The following ESRRA variants were observed in gnomAD, a reference collection of about 807,000 sequenced individuals.
The protein encoded by ESRRA is steroid hormone receptor ERR1.
ESRRA carries 7 observed loss-of-function variants against 35.6 expected under a neutral mutation model. The observed-to-expected ratio is 0.20, with a 90% CI of 0.11 to 0.37. ESRRA has a LOEUF of 0.37. Ranked by LOEUF, ESRRA falls within the 10% of genes least tolerant of loss-of-function variation. The pLI, the probability that ESRRA is intolerant of heterozygous loss-of-function variation, is 1.00. For missense variants in ESRRA, 378 were observed against 561.7 expected (o/e 0.67, Z 3.31); for synonymous variants, 223 against 246.9 (o/e 0.90, Z 0.91).
In ESRRA at chr11:64,314,793, G is replaced by A. The variant is rs2035208714; in HGVS notation, c.624G>A (p.Lys208=). 2 of 1,612,378 alleles carry A rather than the reference G, an allele frequency of 1.2e-6. No homozygotes were observed. Among genetic ancestry groups the A allele is most frequent in the African/African-American group, 1.3e-5 (1 of 75,020 alleles). Residue 208 remains lysine (K), a synonymous_variant, in exon 5 of 7, where the codon AAG becomes AAA. Coordinates refer to ENST00000000442, the MANE Select transcript of ESRRA (RefSeq NM_004451.5). Reference sequence around the variant, plus strand: ...ATCTGCTGGTGGTTGAGCCTGAGAAGCTCTATGCCATGCCTGACCCCGCAG... The same window carrying A: ...ATCTGCTGGTGGTTGAGCCTGAGAAACTCTATGCCATGCCTGACCCCGCAG... ...VSHLLVVEPE[K]LYAMPDPAGP... is the part of the protein sequence containing the mutation.
chr11:64,313,687 G>C lies in ESRRA; in HGVS notation c.326-264G>C, dbSNP rs1565377066. On this transcript the variant is annotated intron_variant, in intron 2 of 6. Transcript: ENST00000000442. This position sits in a 1 kb window ranked among gnomAD's most constrained non-coding sequence, Gnocchi z 4.0. ...AGAGGTCCTTGTGGCCCTTGATGTC[G>C]GCAGATGAGGGCAGTGTGGTCCAGA... The C allele has an allele frequency of 1.3e-5, 5 of 392,940 alleles. No homozygotes were observed. Among genetic ancestry groups the C allele is most frequent in the Non-Finnish European group, 2.3e-5 (5 of 218,824 alleles). The allele number at this position is 392,940 out of a possible 1,614,324, so 24.3% of individuals were successfully genotyped here.
Position 64,316,666 on chromosome 11 carries a change from T to C in ESRRA, c.*700T>C. 1.7e-6 allele frequency: 1 copy of C among 595,090 alleles called. No individual in the cohort carries two copies. The highest frequency in any genetic ancestry group is 2.9e-5 in the East Asian group (1 of 34,802). The allele number at this position is 595,090 out of a possible 1,614,324, so 36.9% of individuals were successfully genotyped here. On this transcript the variant is annotated 3_prime_UTR_variant, in exon 7 of 7. Transcript: ENST00000000442. ...GCTGTACAGAGACTCTATTTTAATG[T>C]ATATTTGCTGCAAAGAGAAACCGCT...
At chr11:64,310,335 C>T (rs1212682212) in intron 2 of ESRRA, among the ~76,000 whole-genome samples, 7 of 149,884 alleles carry the variant, frequency 4.7e-5, no homozygotes, top group African/African-American at 1.7e-4. Flanking sequence ...CCCGGGTTCA[C>T]ACCATTCTCC....
chr11:64,307,888 C>A (rs1310811224), intron 2 of ESRRA, among the ~76,000 whole-genome samples: 1 of 152,026 alleles, frequency 6.6e-6, no homozygotes, highest in South Asian at 2.1e-4. Context: ...CAACACAAGG[C>A]AGATTTTAAT....
At chr11:64,311,416 CT>C (rs5792321) in intron 2 of ESRRA, among the ~76,000 whole-genome samples, 98,413 of 125,532 alleles carry the variant, frequency 0.78, 38,067 homozygotes, top group South Asian at 0.89. Flanking sequence ...GAGGGCTTGT[CT>C]TTTTTTTTTT....
chr11:64,315,688 C>T lies in ESRRA; in HGVS notation c.1013-19C>T, dbSNP rs1342253959. ...CCAGAGATAGCCCAGGCCAACACCA[C>T]ATTCCTCTCTTCTTGCAGACTCTGT... On this transcript the variant is annotated intron_variant, in intron 6 of 6. Coordinates refer to ENST00000000442, the MANE Select transcript of ESRRA (RefSeq NM_004451.5). The T allele has an allele frequency of 6.2e-7, 1 of 1,612,704 alleles. No individual in the cohort carries two copies. The highest frequency in any genetic ancestry group is 1.3e-5 in the African/African-American group (1 of 74,950).
rs1454522790 is a variant in ESRRA, at chr11:64,314,013, G to T, written c.388G>T (p.Ala130Ser). 3.8e-6 allele frequency: 6 copies of T among 1,579,440 alleles called. No individual in the cohort carries two copies. In the South Asian group the frequency reaches 6.9e-5, roughly 18 times the overall value. The change falls in exon 3 of 7, where the codon GCC becomes TCC. Residue 130 changes from alanine (A) to serine (S), a missense_variant. Ala to Ser is a moderately conservative substitution (Grantham distance 99). Around this residue, in one of 4 missense-constraint regions of ESRRA, gnomAD observed 284 missense variants for 411.7 expected, o/e 0.69. Transcript: ENST00000000442. ...ECEITKRRRK[A>S]CQACRFTKCL... ...TGAGATCACCAAGCGGAGACGCAAGGCCTGCCAGGCCTGCCGCTTCACCAA... is the reference window on the plus strand; with the variant it reads ...TGAGATCACCAAGCGGAGACGCAAGTCCTGCCAGGCCTGCCGCTTCACCAA...
chr11:64,306,290 G>C (rs1185462477), intron 1 of ESRRA: 3 of 152,410 alleles, frequency 2.0e-5, no homozygotes, highest in African/African-American at 7.2e-5. Context: ...CCAAAGGTGT[G>C]CGCAGGTTGG....
rs45578732 is a variant in ESRRA at position 64,314,128 on chromosome 11, G to C, written c.442+61G>C. Reference sequence around the variant, plus strand: ...GAGTCGGGGACCCGGGCCAGGTGGGGGTGAGGCCTGGGAGTTCTGGTGAGT... The same window carrying C: ...GAGTCGGGGACCCGGGCCAGGTGGGCGTGAGGCCTGGGAGTTCTGGTGAGT... On this transcript the variant is annotated intron_variant, in intron 3 of 6. Coordinates refer to ENST00000000442, the MANE Select transcript of ESRRA (RefSeq NM_004451.5). The C allele has an allele frequency of 5.8e-4, 902 of 1,550,360 alleles. 6 individuals are homozygous for C. The African/African-American group carries it at 9.9e-3, about 17-fold the overall frequency.
In ESRRA at chr11:64,314,217, C is replaced by T. The variant is rs143694176; in HGVS notation, c.443-22C>T. 506 of 1,601,018 alleles carry T rather than the reference C, an allele frequency of 3.2e-4. 1 individual carries two copies. In the African/African-American group the frequency reaches 6.4e-3, roughly 20 times the overall value. On this transcript the variant is annotated intron_variant, in intron 3 of 6. Transcript: ENST00000000442. ...CTGCCCACAGCACCACAGTCACAGTCCTATCTGTCCCACAATTCAAGGAGT... is the reference window on the plus strand; with the variant it reads ...CTGCCCACAGCACCACAGTCACAGTTCTATCTGTCCCACAATTCAAGGAGT...
At chr11:64,310,614 C>CCA in intron 2 of ESRRA, among the ~76,000 whole-genome samples, 1 of 134,244 alleles carries the variant, frequency 7.4e-6, no homozygotes, top group African/African-American at 2.8e-5. Flanking sequence ...GGCCTGCAGT[C>CCA]GTGGTTCACT....
rs1470863332 is a variant in ESRRA, at chr11:64,313,157, C to T, written c.326-794C>T. ...GGAAGTAGTTGCCAGGGGCAGGAGG[C>T]GGATTCTGGACCTTGGAGGAGGTAA... On this transcript the variant is annotated intron_variant, in intron 2 of 6. Coordinates refer to ENST00000000442, the MANE Select transcript of ESRRA (RefSeq NM_004451.5). This position sits in a 1 kb window ranked among gnomAD's most constrained non-coding sequence, Gnocchi z 4.0. 1.3e-5 allele frequency among the ~76,000 whole-genome samples: 2 copies of T among 152,026 alleles called. No individual in the cohort carries two copies. The highest frequency in any genetic ancestry group is 2.9e-5 in the Non-Finnish European group (2 of 68,002).
Position 64,316,668 on chromosome 11 carries a change from T to C in ESRRA, c.*702T>C. ...TGTACAGAGACTCTATTTTAATGTATATTTGCTGCAAAGAGAAACCGCTTT... is the reference window on the plus strand; with the variant it reads ...TGTACAGAGACTCTATTTTAATGTACATTTGCTGCAAAGAGAAACCGCTTT... On this transcript the variant is annotated 3_prime_UTR_variant, in exon 7 of 7. Coordinates refer to ENST00000000442, the MANE Select transcript of ESRRA (RefSeq NM_004451.5). 1.7e-6 allele frequency: 1 copy of C among 597,374 alleles called. No homozygotes were observed. Among genetic ancestry groups the C allele is most frequent in the Admixed American group, 3.0e-5 (1 of 33,084 alleles). The allele number at this position is 597,374 out of a possible 1,614,324, so 37.0% of individuals were successfully genotyped here.
intron 2 of ESRRA, 115 bp downstream of exon 2, chr11:64,307,619 C>T: frequency 4.0e-6 from 3 of 749,668 alleles, no homozygotes; most frequent in South Asian, 5.8e-5. Flanking sequence ...TCTGGTGTTT[C>T]CAGTCCCTCT....
intron 2 of ESRRA, among the ~76,000 whole-genome samples, chr11:64,311,100 C>T (rs1478474491): frequency 6.6e-6 from 1 of 152,228 alleles, no homozygotes; most frequent in Non-Finnish European, 1.5e-5. Context: ...ATTCTCACGA[C>T]CCAACTCTGT....
At position 64,312,392 on chromosome 11, in the gene ESRRA, G is replaced by C. The variant is rs535299311; in HGVS notation, c.326-1559G>C. On this transcript the variant is annotated intron_variant, in intron 2 of 6. Coordinates refer to ENST00000000442, the MANE Select transcript of ESRRA (RefSeq NM_004451.5). ...TGACCTCAGGTGATCCACCCACCTC[G>C]GTCTCCCAAAGTGCTGGGATTACAG... is the stretch of plus-strand genomic sequence containing the variant. Among the ~76,000 whole-genome samples, 579 of 152,204 alleles carry C rather than the reference G, an allele frequency of 3.8e-3. 1 individual carries two copies. The highest frequency in any genetic ancestry group is 6.2e-3 in the Admixed American group (95 of 15,274).
chr11:64,315,762 C>T lies in ESRRA; in HGVS notation c.1068C>T (p.His356=), dbSNP rs201613342. The change falls in exon 7 of 7, where the codon CAC becomes CAT. Residue 356 remains histidine, a synonymous_variant. Transcript: ENST00000000442. The stretch of plus-strand genomic sequence containing the variant: ...TGGAGCAGCTGCGAGAAGCTCTGCA[C>T]GAGGCCCTGCTGGAGTATGAAGCCG... The part of the protein sequence containing the change: ...EAVEQLREAL[H]EALLEYEAGR... The T allele has an allele frequency of 1.6e-4, 257 of 1,613,762 alleles. No homozygotes were observed. Among genetic ancestry groups the T allele is most frequent in the Non-Finnish European group, 2.1e-4 (244 of 1,179,778 alleles).
At chr11:64,312,832 C>A (rs543686136) in intron 2 of ESRRA, among the ~76,000 whole-genome samples, 31 of 152,060 alleles carry the variant, frequency 2.0e-4, no homozygotes, top group Non-Finnish European at 2.9e-4. Flanking sequence ...GGTGAGGGAG[C>A]CTGTGTGGAC....
At chr11:64,315,382 A>G in intron 6 of ESRRA, 112 bp downstream of exon 6, 1 of 1,264,682 alleles carries the variant, frequency 7.9e-7, no homozygotes, top group Non-Finnish European at 1.1e-6. Flanking sequence ...AGGCTTAGGG[A>G]AGAACAATGA....
Sources: gnomAD v4.1 joint callset for allele counts (sites outside exome capture counted in the v4.1 genomes callset) on GRCh38, gnomAD v4.1.1 for gene constraint, gnomAD v4.1.1 regional missense constraint, Gnocchi (gnomAD v3.1) non-coding constraint, MANE v1.5 for transcripts, NCBI Gene and HGNC (gene_info 2026-07-23, HGNC 2026-07-21) for gene names.